Variants in ANO5 observed in about 807,000 individuals in gnomAD.
ANO5 encodes the protein anoctamin 5, also known as anoctamin-5.
A neutral mutation model predicts 121.0 loss-of-function variants in ANO5; 109 were observed. That is an observed-to-expected ratio of 0.90 (90% CI 0.77 to 1.06). The LOEUF is 1.06. ANO5 is among the 50% of genes least tolerant of loss of function. The pLI is 0.00. For synonymous variants in ANO5, 406 were observed against 359.9 expected, an observed-to-expected ratio of 1.13 and a Z score of -1.45; for missense variants, 1,064 against 1,078.5, an observed-to-expected ratio of 0.99 and a Z score of 0.19.
chr11:22,192,757 C>T (rs1370783501), upstream of ANO5, among the ~76,000 whole-genome samples: 1 of 152,218 alleles, frequency 6.6e-6, no homozygotes, highest in Non-Finnish European at 1.5e-5. Flanking sequence ...ACCAGGATTC[C>T]TGGTCGTGGG....
chr11:22,211,598 G>A (rs1852278786), intron 3 of ANO5, among the ~76,000 whole-genome samples: 1 of 151,862 alleles, frequency 6.6e-6, no homozygotes, highest in Non-Finnish European at 1.5e-5. Context: ...CTTGACCAAA[G>A]TTATTGATAT....
chr11:22,253,553 A>G (rs545659004), intron 12 of ANO5, among the ~76,000 whole-genome samples: 1 of 152,290 alleles, frequency 6.6e-6, no homozygotes, highest in African/African-American at 2.4e-5. Context: ...GCAAATATTA[A>G]AATGTTTAAT....
Position 22,279,709 on chromosome 11 carries a change from G to T in ANO5, c.2686G>T (p.Ala896Ser), listed in dbSNP as rs781052833. 8.7e-6 allele frequency: 14 copies of T among 1,612,696 alleles called. No homozygotes were observed. The highest frequency in any genetic ancestry group is 1.2e-5 in the Non-Finnish European group (14 of 1,179,166). Residue 896 changes from alanine to serine, a missense_variant, in exon 22 of 22, where the codon GCC becomes TCC. By Grantham distance (99) the Ala-to-Ser change is moderately conservative. Transcript: ENST00000324559. Reference protein sequence around the residue: ...ENLGINSNEFAKHVMIEENKA... With the variant: ...ENLGINSNEFSKHVMIEENKA... The stretch of plus-strand genomic sequence containing the variant: ...CTTGGGAATTAATTCTAATGAATTT[G>T]CCAAGCATGTCATGATTGAGGAAAA...
At chr11:22,203,765 G>T in intron 1 of ANO5, 39 bp from the exon 2 acceptor site, 1 of 1,261,120 alleles carries the variant, frequency 7.9e-7, no homozygotes, top group Non-Finnish European at 1.1e-6. Flanking sequence ...CTGATCAGTG[G>T]CTAATTTAAC....
rs281865466 is a variant in ANO5, at chr11:22,272,855, A to G, written c.2101A>G (p.Asn701Asp). ...GGCTCCTCTTCTTGCTCTCATAAAT[A>G]ATATTGTAGAGATTCGAGTGGATGC... is the stretch of plus-strand genomic sequence containing the variant. ...PLAPLLALIN[N>D]IVEIRVDAWK... The change falls in exon 19 of 22, where the codon AAT (asparagine) becomes GAT (aspartate). Residue 701 changes from asparagine (N) to aspartate (D), a missense_variant. Physicochemically the swap from Asn to Asp is conservative, Grantham distance 23 (BLOSUM62 1). Coordinates refer to ENST00000324559, the MANE Select transcript of ANO5 (RefSeq NM_213599.3). 7 of 1,613,970 alleles carry G rather than the reference A, an allele frequency of 4.3e-6. No individual in the cohort carries two copies.
chr11:22,239,887 TAGG>T (rs1345954859), intron 9 of ANO5, among the ~76,000 whole-genome samples: 1 of 152,092 alleles, frequency 6.6e-6, no homozygotes, highest in Admixed American at 6.6e-5. Context: ...GTATGGTGGT[TAGG>T]AGGTTAGACC....
rs375014127 is a variant in ANO5, at chr11:22,262,162, G to T, written c.1664G>T (p.Ser555Ile). ...CGAACATACCAGGAGTATGAGAGCAGTCTTACCTTGAAAATGTTCCTGTTT... is the reference window on the plus strand; with the variant it reads ...CGAACATACCAGGAGTATGAGAGCATTCTTACCTTGAAAATGTTCCTGTTT... ...IPRTYQEYES[S>I]LTLKMFLFQF... is the part of the protein sequence containing the mutation. The change falls in exon 16 of 22, where the codon AGT (serine) becomes ATT (isoleucine). Residue 555 changes from serine (S) to isoleucine (I), a missense_variant. Coordinates refer to ENST00000324559, the MANE Select transcript of ANO5 (RefSeq NM_213599.3). 6.6e-5 allele frequency: 107 copies of T among 1,613,824 alleles called. 1 individual carries two copies. Among genetic ancestry groups the T allele is most frequent in the Non-Finnish European group, 8.1e-5 (96 of 1,179,954 alleles).
At chr11:22,198,982 A>G (rs932149920) in intron 1 of ANO5, among the ~76,000 whole-genome samples, 2 of 152,184 alleles carry the variant, frequency 1.3e-5, no homozygotes, top group Non-Finnish European at 2.9e-5. Context: ...ATAATACTGC[A>G]TGATGTTTAA....
chr11:22,194,184 A>G (rs1851739438), intron 1 of ANO5, among the ~76,000 whole-genome samples: 1 of 152,314 alleles, frequency 6.6e-6, no homozygotes, highest in East Asian at 1.9e-4. Flanking sequence ...ATTGTTTGCC[A>G]AAGCCTTTAC....
At chr11:22,273,030 T>G in intron 19 of ANO5, 41 bp downstream of exon 19, 1 of 1,569,108 alleles carries the variant, frequency 6.4e-7, no homozygotes. Context: ...TGTATTTCAT[T>G]TTGGGGGGTG....
At chr11:22,225,943 A>G in intron 5 of ANO5, 41 bp from the exon 6 acceptor site, 3 of 1,489,172 alleles carry the variant, frequency 2.0e-6, no homozygotes, top group Non-Finnish European at 1.9e-6. Context: ...AAATAAAACA[A>G]AAGCATTCTG....
In ANO5 at chr11:22,270,413, T is replaced by C. The variant is rs1294495622; in HGVS notation, c.2000T>C (p.Leu667Pro). The change falls in exon 18 of 22, where the codon CTT becomes CCT. Residue 667 changes from leucine to proline, a missense_variant. Leu to Pro is a moderately conservative substitution (Grantham distance 98, BLOSUM62 -3). Coordinates refer to ENST00000324559, the MANE Select transcript of ANO5 (RefSeq NM_213599.3). ...QDHDLESFGP[L>P]GLFYEYLETV... ...CATGACCTTGAAAGTTTTGGACCCCTTGGGCTTTTCTATGAGTACTTAGAA... is the reference window on the plus strand; with the variant it reads ...CATGACCTTGAAAGTTTTGGACCCCCTGGGCTTTTCTATGAGTACTTAGAA... The C allele has an allele frequency of 1.2e-6, 2 of 1,614,176 alleles. No homozygotes were observed. Among genetic ancestry groups the C allele is most frequent in the Non-Finnish European group, 1.7e-6 (2 of 1,180,000 alleles).
Position 22,281,555 on chromosome 11 carries a change from A to G in ANO5, c.*1790A>G, listed in dbSNP as rs1005358211. 1 of 152,082 alleles carries G rather than the reference A, an allele frequency of 6.6e-6. No homozygotes were observed. The highest frequency in any genetic ancestry group is 1.5e-5 in the Non-Finnish European group (1 of 67,942). 9.4% of individuals were successfully genotyped at this position (152,082 alleles called of 1,614,324 possible). A position where few individuals can be genotyped will look rare whatever the true frequency, so the allele number is the denominator to read the frequency against. On this transcript the variant is annotated 3_prime_UTR_variant, in exon 22 of 22. Coordinates refer to ENST00000324559, the MANE Select transcript of ANO5 (RefSeq NM_213599.3). ...AGTCAGGCTTACCATGATGTGTGCA[A>G]CCAATGTAGGATCTTTGGCTTGTCA... is the stretch of plus-strand genomic sequence containing the variant.
intron 9 of ANO5, among the ~76,000 whole-genome samples, chr11:22,248,712 G>C (rs992869701): frequency 3.3e-5 from 5 of 151,704 alleles, no homozygotes; most frequent in Non-Finnish European, 7.4e-5. Context: ...TATGCTCAAG[G>C]AATAAGACTT....
chr11:22,196,972 T>G (rs1162582692), intron 1 of ANO5, among the ~76,000 whole-genome samples: 3 of 152,220 alleles, frequency 2.0e-5, no homozygotes, highest in African/African-American at 7.2e-5. Context: ...AGCATCAATT[T>G]TTAATAGCTA....
rs144441862 is a variant in ANO5, at chr11:22,227,590, G to A, written c.648+4G>A. 4.3e-6 allele frequency: 7 copies of A among 1,613,184 alleles called. No individual in the cohort carries two copies. In the South Asian group the frequency reaches 6.6e-5, roughly 15 times the overall value. ...ATCCTCATCAAGAAACAGAATTGTA[G>A]GTAGAGAAGACCTTTGGGCACATCC... On this transcript the variant is annotated splice_donor_region_variant and intron_variant, in intron 7 of 21. Transcript: ENST00000324559.
intron 18 of ANO5, among the ~76,000 whole-genome samples, chr11:22,271,707 C>G (rs1433631989): frequency 2.6e-5 from 4 of 152,120 alleles, no homozygotes; most frequent in African/African-American, 9.7e-5. Flanking sequence ...AATTTTGAAA[C>G]AATTCTGCAG....
Position 22,268,149 on chromosome 11 carries a change from T to G in ANO5, c.1899-2163T>G, listed in dbSNP as rs180789004. Among the ~76,000 whole-genome samples, 3 of 152,336 alleles carry G rather than the reference T, an allele frequency of 2.0e-5. No individual in the cohort carries two copies. In the East Asian group the frequency reaches 5.8e-4, roughly 29 times the overall value. On this transcript the variant is annotated intron_variant, in intron 17 of 21. Transcript: ENST00000324559. ...TTATTTTTTATCTGTAGAACTGTCT[T>G]GGCTATTCTTGGTCTTTTATCAATC... is the stretch of plus-strand genomic sequence containing the variant.
chr11:22,223,863 A>G (rs7928245), intron 5 of ANO5, among the ~76,000 whole-genome samples: 1,751 of 151,828 alleles, frequency 0.012, 36 homozygotes, highest in African/African-American at 0.04. Context: ...CAGTTTTCCT[A>G]TTAGCTACTA....
Sources: gnomAD v4.1 joint callset for allele counts (sites outside exome capture counted in the v4.1 genomes callset) on GRCh38, gnomAD v4.1.1 for gene constraint, MANE v1.5 for transcripts, NCBI Gene and HGNC (gene_info 2026-07-23, HGNC 2026-07-21) for gene names.